Variants in PPP4R1 observed in about 807,000 individuals in gnomAD.
The protein encoded by PPP4R1 is serine/threonine-protein phosphatase 4 regulatory subunit 1.
In PPP4R1, 42 loss-of-function variants were observed where a neutral mutation model predicts 111.2. The ratio of observed to expected loss-of-function variants is 0.38; its 90% confidence interval spans 0.29 to 0.49. PPP4R1 has a LOEUF of 0.49. Among genes scored for constraint, PPP4R1 ranks in the 20% least tolerant of loss-of-function variants. The pLI is 0.97. For synonymous variants in PPP4R1, 409 were observed against 405.5 expected (o/e 1.01, Z -0.10); for missense variants, 1,012 against 1,161.6 (o/e 0.87, Z 1.87).
At position 9,574,068 on chromosome 18, in the gene PPP4R1, A is replaced by C. The variant is rs534332928; in HGVS notation, c.1046+2996T>G. On this transcript the variant is annotated intron_variant, in intron 10 of 19. Coordinates refer to ENST00000400556, the MANE Select transcript of PPP4R1 (RefSeq NM_001042388.3). Reference sequence around the variant, plus strand: ...CAAAATCAAGCTGTTCAATGCTAAAATTCTGATATTCCTAATTGTCAGACT... The same window carrying C: ...CAAAATCAAGCTGTTCAATGCTAAACTTCTGATATTCCTAATTGTCAGACT... 2.6e-5 allele frequency among the ~76,000 whole-genome samples: 4 copies of C among 152,338 alleles called. No individual in the cohort carries two copies. In the East Asian group the frequency reaches 5.8e-4, roughly 22 times the overall value.
intron 16 of PPP4R1, among the ~76,000 whole-genome samples, chr18:9,552,345 G>C (rs752542347): frequency 8.5e-5 from 13 of 152,188 alleles, no homozygotes; most frequent in Non-Finnish European, 1.9e-4. Flanking sequence ...CCACAATGAA[G>C]TGCTGTTCCA....
At chr18:9,599,002 G>C (rs2067336286) in intron 2 of PPP4R1, among the ~76,000 whole-genome samples, 1 of 151,236 alleles carries the variant, frequency 6.6e-6, no homozygotes, top group African/African-American at 2.4e-5. Context: ...CCCCAGTCTG[G>C]AAGACAAAGC....
intron 2 of PPP4R1, among the ~76,000 whole-genome samples, chr18:9,601,314 A>G (rs1046328483): frequency 6.6e-6 from 1 of 151,448 alleles, no homozygotes; most frequent in East Asian, 2.0e-4. Flanking sequence ...CTTAGAGGTT[A>G]GGAGTTCGAG....
chr18:9,605,336 G>A (rs1414076302), intron 2 of PPP4R1, among the ~76,000 whole-genome samples: 1 of 152,002 alleles, frequency 6.6e-6, no homozygotes, highest in African/African-American at 2.4e-5. Flanking sequence ...ATTAATTCAG[G>A]CAAGAATCAT....
At chr18:9,556,350 G>A (rs527408693) in intron 15 of PPP4R1, among the ~76,000 whole-genome samples, 40 of 151,458 alleles carry the variant, frequency 2.6e-4, no homozygotes, top group South Asian at 6.3e-4. Flanking sequence ...CTACCACCAC[G>A]CCCAGCTAAT....
At chr18:9,567,328 T>C (rs1411513997) in intron 11 of PPP4R1, among the ~76,000 whole-genome samples, 2 of 152,166 alleles carry the variant, frequency 1.3e-5, no homozygotes, top group Admixed American at 1.3e-4. Context: ...GTGAGTGAAA[T>C]GCTACAATCT....
At position 9,577,195 on chromosome 18, in the gene PPP4R1, G is replaced by A; in HGVS notation, c.919-4C>T. 6.3e-7 allele frequency: 1 copy of A among 1,599,050 alleles called. No homozygotes were observed. The highest frequency in any genetic ancestry group is 8.5e-7 in the Non-Finnish European group (1 of 1,175,088). Reference sequence around the variant, plus strand: ...ACTGAAAAGCTGCTTGGCGAACCTAGGAAGATAAAAAGGACAATAATAAAG... The same window carrying A: ...ACTGAAAAGCTGCTTGGCGAACCTAAGAAGATAAAAAGGACAATAATAAAG... On this transcript the variant is annotated splice_region_variant and splice_polypyrimidine_tract_variant and intron_variant, in intron 9 of 19. Coordinates refer to ENST00000400556, the MANE Select transcript of PPP4R1 (RefSeq NM_001042388.3).
At chr18:9,563,171 G>A in intron 12 of PPP4R1, 1 of 1,235,804 alleles carries the variant, frequency 8.1e-7, no homozygotes, top group East Asian at 3.1e-5. Flanking sequence ...ACAGAAGTGG[G>A]ATTTACTTTT....
chr18:9,593,909 G>A (rs766196984), intron 3 of PPP4R1, 35 bp from the exon 4 acceptor site: 22 of 1,503,824 alleles, frequency 1.5e-5, no homozygotes, highest in Non-Finnish European at 2.0e-5. Context: ...TATGTTCAAT[G>A]GCATCAATAG....
intron 2 of PPP4R1, among the ~76,000 whole-genome samples, chr18:9,595,358 A>C (rs2067274756): frequency 6.6e-6 from 1 of 152,220 alleles, no homozygotes; most frequent in African/African-American, 2.4e-5. Context: ...CTCTATAAGC[A>C]CAAAGTTCTA....
intron 10 of PPP4R1, among the ~76,000 whole-genome samples, chr18:9,576,225 C>T (rs2066933376): frequency 6.6e-6 from 1 of 152,008 alleles, no homozygotes; most frequent in Non-Finnish European, 1.5e-5. Flanking sequence ...AGAAAATGTC[C>T]ATTAGCATCA....
rs1433414436 is a variant in PPP4R1 at position 9,570,629 on chromosome 18, A to G, written c.1101T>C (p.Pro367=). The stretch of plus-strand genomic sequence containing the variant: ...TGGAATTACTAACACTGAGATCTGA[A>G]GGAGTATCCTCTGGCCTGACTTGTA... ...EDVQVRPEDT[P]SDLSVSNSSV... is the part of the protein sequence containing the mutation. The change falls in exon 11 of 20, where the codon CCT becomes CCC. Residue 367 remains proline (P), a synonymous_variant. Transcript: ENST00000400556. 6 of 1,613,024 alleles carry G rather than the reference A, an allele frequency of 3.7e-6. No individual in the cohort carries two copies. The highest frequency in any genetic ancestry group is 5.1e-6 in the Non-Finnish European group (6 of 1,179,588).
chr18:9,616,055 T>A (rs1189482021), upstream of PPP4R1, among the ~76,000 whole-genome samples: 8 of 152,150 alleles, frequency 5.3e-5, no homozygotes, highest in Non-Finnish European at 1.2e-4. Context: ...AAGGCCTTTC[T>A]CTTCCTCCCT....
intron 15 of PPP4R1, 61 bp downstream of exon 15, chr18:9,557,160 T>C: frequency 6.9e-7 from 1 of 1,444,918 alleles, no homozygotes. Context: ...TAGCAGAAGA[T>C]AAAGATTTAG....
intron 11 of PPP4R1, among the ~76,000 whole-genome samples, chr18:9,565,517 T>A (rs2066750605): frequency 1.3e-5 from 2 of 152,184 alleles, no homozygotes; most frequent in South Asian, 4.1e-4. Context: ...GTTAGCCAAG[T>A]TATAAATGCA....
In PPP4R1 at chr18:9,589,519, C is replaced by T. The variant is rs532954578; in HGVS notation, c.296-666G>A. On this transcript the variant is annotated intron_variant, in intron 4 of 19. Coordinates refer to ENST00000400556, the MANE Select transcript of PPP4R1 (RefSeq NM_001042388.3). The stretch of plus-strand genomic sequence containing the variant: ...AGTTCCTACTGCACATCATAAAGAT[C>T]AAAAGTACTAAAAGATAATATTAAA... 2.0e-5 allele frequency among the ~76,000 whole-genome samples: 3 copies of T among 152,212 alleles called. No individual in the cohort carries two copies. In the South Asian group the frequency reaches 6.2e-4, roughly 32 times the overall value.
intron 15 of PPP4R1, among the ~76,000 whole-genome samples, chr18:9,555,110 G>A (rs1305089973): frequency 6.6e-6 from 1 of 152,010 alleles, no homozygotes; most frequent in African/African-American, 2.4e-5. Flanking sequence ...CAAGACCAGT[G>A]TGGGCAACAT....
chr18:9,550,251 C>T (rs767853669), intron 17 of PPP4R1, 27 bp downstream of exon 17: 1 of 1,613,804 alleles, frequency 6.2e-7, no homozygotes, highest in Non-Finnish European at 8.5e-7. Context: ...GTTTGCTGAT[C>T]TAAAATTTTA....
Position 9,562,079 on chromosome 18 carries a change from T to C in PPP4R1, c.1747-4A>G. 1 of 1,601,754 alleles carries C rather than the reference T, an allele frequency of 6.2e-7. No individual in the cohort carries two copies. Among genetic ancestry groups the C allele is most frequent in the Non-Finnish European group, 8.6e-7 (1 of 1,169,314 alleles). ...AGTGAAGAGTGGAGTCCATATTCTG[T>C]TAGGAAAAAATAACTACTTAAAGAG... is the stretch of plus-strand genomic sequence containing the variant. On this transcript the variant is annotated splice_region_variant and splice_polypyrimidine_tract_variant and intron_variant, in intron 12 of 19. Transcript: ENST00000400556.
Sources: allele counts gnomAD v4.1 joint callset (sites outside exome capture counted in the v4.1 genomes callset), GRCh38; gene constraint gnomAD v4.1.1; transcripts MANE v1.5; gene names NCBI Gene and HGNC (gene_info 2026-07-23, HGNC 2026-07-21).